ANKRD24: variants seen among roughly 807,000 people sequenced by gnomAD.
The protein encoded by ANKRD24 is ankyrin repeat domain 24, also known as ankyrin repeat domain-containing protein 24.
In ANKRD24, 109 loss-of-function variants were observed where a neutral mutation model predicts 127.8. The observed-to-expected ratio is 0.85, with a 90% CI of 0.73 to 1.00. ANKRD24 has a LOEUF of 1.00. ANKRD24 is among the 50% of genes least tolerant of loss of function. The pLI, the probability that ANKRD24 is intolerant of heterozygous loss-of-function variation, is 0.00. For synonymous variants in ANKRD24, 743 were observed against 671.1 expected (o/e 1.11, Z -1.66); for missense variants, 1,648 against 1,570.2 (o/e 1.05, Z -0.84).
At chr19:4,219,211 G>A (rs1262931456) in intron 18 of ANKRD24, among the ~76,000 whole-genome samples, 2 of 152,018 alleles carry the variant, frequency 1.3e-5, no homozygotes, top group Non-Finnish European at 2.9e-5. Context: ...GCTTGAACCC[G>A]GGAAGTGGAG....
chr19:4,216,766 G>A lies in ANKRD24; in HGVS notation c.1606G>A (p.Ala536Thr), dbSNP rs769257235. Residue 536 changes from alanine to threonine, a missense_variant, in exon 18 of 22, where the codon GCC becomes ACC. Coordinates refer to ENST00000318934, the MANE Select transcript of ANKRD24 (RefSeq NM_001393985.1). ...CGESEVAGAT[A>T]TKNGPTHMEL... ...GGAGAGTGAGGTTGCTGGAGCCACGGCCACCAAAAACGGGCCAACCCACAT... is the reference window on the plus strand; with the variant it reads ...GGAGAGTGAGGTTGCTGGAGCCACGACCACCAAAAACGGGCCAACCCACAT... The A allele has an allele frequency of 6.3e-7, 1 of 1,589,742 alleles. No homozygotes were observed. Among genetic ancestry groups the A allele is most frequent in the Non-Finnish European group, 8.6e-7 (1 of 1,168,832 alleles).
intron 1 of ANKRD24, chr19:4,183,452 G>A: frequency 1.5e-6 from 1 of 658,546 alleles, no homozygotes; most frequent in Non-Finnish European, 1.9e-6. Flanking sequence ...CCTGGTGGCT[G>A]CGGGTGGACA....
Position 4,215,975 on chromosome 19 carries a change from C to A in ANKRD24, c.1198-3C>A, listed in dbSNP as rs760468763. Reference sequence around the variant, plus strand: ...CGAGCTGGACTCTGCTCCCTCCCCCCAGAACGAGCGGGAGAATACTAGCTA... The same window carrying A: ...CGAGCTGGACTCTGCTCCCTCCCCCAAGAACGAGCGGGAGAATACTAGCTA... On this transcript the variant is annotated splice_polypyrimidine_tract_variant and splice_region_variant and intron_variant, in intron 15 of 21. Transcript: ENST00000318934. The A allele has an allele frequency of 8.8e-6, 14 of 1,584,172 alleles. No individual in the cohort carries two copies. The highest frequency in any genetic ancestry group is 4.7e-5 in the East Asian group (2 of 42,948).
In ANKRD24 at chr19:4,199,672, T is replaced by C. The variant is rs1568321831; in HGVS notation, c.37-11T>C. The C allele has an allele frequency of 3.3e-6, 5 of 1,521,438 alleles. No individual in the cohort carries two copies. The highest frequency in any genetic ancestry group is 4.5e-5 in the Admixed American group (2 of 44,586). 94.2% of individuals were successfully genotyped at this position (1,521,438 alleles called of 1,614,324 possible). ...GAGGACCCCCTCGCCCAGGACCACC[T>C]CCCCCTGCAGCTGCGGCTCAGCCCC... On this transcript the variant is annotated splice_polypyrimidine_tract_variant and intron_variant, in intron 2 of 21. Coordinates refer to ENST00000318934, the MANE Select transcript of ANKRD24 (RefSeq NM_001393985.1). The surrounding 1 kb of genome is among the most constrained non-coding windows in gnomAD (Gnocchi z 5.2).
At chr19:4,215,159 T>C (rs930009260) in intron 15 of ANKRD24, among the ~76,000 whole-genome samples, 1 of 152,094 alleles carries the variant, frequency 6.6e-6, no homozygotes, top group Non-Finnish European at 1.5e-5. Flanking sequence ...ATGTAAGGAA[T>C]TAATGCAACT....
intron 2 of ANKRD24, among the ~76,000 whole-genome samples, chr19:4,189,029 C>T (rs1225207150): frequency 6.6e-6 from 1 of 151,578 alleles, no homozygotes. Context: ...AGGCTGGTCT[C>T]GAGCTTCCGA....
chr19:4,217,070 C>T lies in ANKRD24; in HGVS notation c.1910C>T (p.Ala637Val), dbSNP rs537535275. ...GACACAGAGACCACGGGAGTGGAGG[C>T]CATGGGGGTGGAGGCCACAAAAACA... ...ATDTETTGVE[A>V]MGVEATKTKA... Residue 637 changes from alanine (A) to valine (V), a missense_variant, in exon 18 of 22, where the codon GCC (alanine) becomes GTC (valine). Ala to Val is a moderately conservative substitution (Grantham distance 64). Transcript: ENST00000318934. 6.2e-7 allele frequency: 1 copy of T among 1,613,766 alleles called. No individual in the cohort carries two copies. Among genetic ancestry groups the T allele is most frequent in the East Asian group, 2.2e-5 (1 of 44,878 alleles).
intron 2 of ANKRD24, among the ~76,000 whole-genome samples, chr19:4,193,351 G>A (rs1448813055): frequency 6.6e-6 from 1 of 150,542 alleles, no homozygotes; most frequent in Non-Finnish European, 1.5e-5. Context: ...TAAAGAAAGG[G>A]CTGTCAGAGA....
intron 2 of ANKRD24, among the ~76,000 whole-genome samples, chr19:4,187,754 G>T (rs372744821): frequency 2.6e-5 from 4 of 152,180 alleles, no homozygotes; most frequent in East Asian, 3.9e-4. Flanking sequence ...TTTAGTTTTC[G>T]TATCATGGGA....
At chr19:4,184,407 T>A (rs73540079) in intron 1 of ANKRD24, among the ~76,000 whole-genome samples, 2,930 of 152,182 alleles carry the variant, frequency 0.019, 95 homozygotes, top group African/African-American at 0.068. Flanking sequence ...CCGTGCTGAG[T>A]CCTAGCCAGG....
chr19:4,224,345 G>T, intron 21 of ANKRD24, 83 bp from the exon 22 acceptor site: 1 of 1,501,840 alleles, frequency 6.7e-7, no homozygotes, highest in Non-Finnish European at 9.1e-7. Context: ...CTCCTGGCTG[G>T]CTTGGTCTAT....
At position 4,216,893 on chromosome 19, in the gene ANKRD24, AAGCTGAGGCCACGGG is replaced by A. The variant is rs1568339694; in HGVS notation, c.1737_1751del (p.Glu590_Ala594del). ...GAAACCATGGAAGCCAGGACTATGG[AAGCTGAGGCCACGGG>A]AGCCGAGGCCACGGGAGCTGAGGCC... On this transcript the variant is annotated inframe_deletion, in exon 18 of 22. Transcript: ENST00000318934. 6.2e-6 allele frequency: 10 copies of A among 1,611,160 alleles called. No homozygotes were observed. Among genetic ancestry groups the A allele is most frequent in the Non-Finnish European group, 8.5e-6 (10 of 1,178,752 alleles).
intron 2 of ANKRD24, among the ~76,000 whole-genome samples, chr19:4,187,510 A>G (rs1968137393): frequency 6.6e-6 from 1 of 152,196 alleles, no homozygotes; most frequent in Non-Finnish European, 1.5e-5. Flanking sequence ...AAAGGCCCTG[A>G]GGTAGATCCA....
At chr19:4,183,313 G>A (rs1967849525) in intron 1 of ANKRD24, 3 of 986,240 alleles carry the variant, frequency 3.0e-6, no homozygotes, top group East Asian at 1.1e-4. Context: ...TGGAGGTTCT[G>A]CATTCTGCAG....
chr19:4,197,798 T>C (rs868569765), intron 2 of ANKRD24, among the ~76,000 whole-genome samples: 25 of 152,018 alleles, frequency 1.6e-4, no homozygotes, highest in African/African-American at 5.5e-4. Context: ...AATGAATAAG[T>C]GAATGAACGA....
At position 4,199,006 on chromosome 19, in the gene ANKRD24, A is replaced by G. The variant is rs1968931565; in HGVS notation, c.37-677A>G. Among the ~76,000 whole-genome samples, 1 of 152,058 alleles carries G rather than the reference A, an allele frequency of 6.6e-6. No homozygotes were observed. Among genetic ancestry groups the G allele is most frequent in the Admixed American group, 6.6e-5 (1 of 15,258 alleles). On this transcript the variant is annotated intron_variant, in intron 2 of 21. Transcript: ENST00000318934. This position sits in a 1 kb window ranked among gnomAD's most constrained non-coding sequence, Gnocchi z 5.2. ...AACACTTCAGGAATTTGGGGGAGACATTTCGTAATGCATTTCAGGCTATAG... is the reference window on the plus strand; with the variant it reads ...AACACTTCAGGAATTTGGGGGAGACGTTTCGTAATGCATTTCAGGCTATAG...
chr19:4,213,688 T>TG (rs1255541142), intron 15 of ANKRD24, among the ~76,000 whole-genome samples: 2 of 152,034 alleles, frequency 1.3e-5, no homozygotes, highest in East Asian at 3.9e-4. Context: ...TGGAGTGCAG[T>TG]GGTGCAATCT....
rs377362907 is a variant in ANKRD24, at chr19:4,212,059, G to A, written c.1060-416G>A. Among the ~76,000 whole-genome samples, 20 of 152,168 alleles carry A rather than the reference G, an allele frequency of 1.3e-4. No homozygotes were observed. The East Asian group carries it at 3.9e-3, about 30-fold the overall frequency. Reference sequence around the variant, plus strand: ...ACTAAAAATACAAAAAATTAGCCGGGCCTGTTGGCGGGCGCCTGTAGTCCC... The same window carrying A: ...ACTAAAAATACAAAAAATTAGCCGGACCTGTTGGCGGGCGCCTGTAGTCCC... On this transcript the variant is annotated intron_variant, in intron 13 of 21. Coordinates refer to ENST00000318934, the MANE Select transcript of ANKRD24 (RefSeq NM_001393985.1).
rs769401604 is a variant in ANKRD24, at chr19:4,217,863, G to A, written c.2703G>A (p.Glu901=). The A allele has an allele frequency of 1.6e-5, 24 of 1,456,122 alleles. No homozygotes were observed. The South Asian group carries it at 3.0e-4, about 18-fold the overall frequency. The allele number at this position is 1,456,122 out of a possible 1,614,324, so 90.2% of individuals were successfully genotyped here. The change falls in exon 18 of 22, where the codon GAG becomes GAA. Residue 901 remains glutamate, a synonymous_variant. Coordinates refer to ENST00000318934, the MANE Select transcript of ANKRD24 (RefSeq NM_001393985.1). The stretch of plus-strand genomic sequence containing the variant: ...AGGAGGCGCGGCAGGGCCTGGCCGA[G>A]CTGCGGGAGGCCTCCGAGGCCCTCC... ...ACEEARQGLA[E]LREASEALRQ...
Sources: gnomAD v4.1 joint callset for allele counts (sites outside exome capture counted in the v4.1 genomes callset) on GRCh38, gnomAD v4.1.1 for gene constraint, Gnocchi (gnomAD v3.1) non-coding constraint, MANE v1.5 for transcripts, NCBI Gene and HGNC (gene_info 2026-07-23, HGNC 2026-07-21) for gene names.